Variants in ADGRL3 observed in about 807,000 individuals in gnomAD.
The protein encoded by ADGRL3 is calcium-independent alpha-latrotoxin receptor 3.
In ADGRL3, 62 loss-of-function variants were observed where a neutral mutation model predicts 153.5. That is an observed-to-expected ratio of 0.40 (90% CI 0.33 to 0.50). The LOEUF (loss-of-function observed/expected upper bound fraction) is 0.50, where lower values mean the gene tolerates loss of function less well. ADGRL3 is among the 20% of genes least tolerant of loss of function. The probability of loss-of-function intolerance (pLI) is 0.47; values close to 1 mark genes in which losing one functional copy is unlikely to be tolerated. For missense variants in ADGRL3, 1,641 were observed against 1,859.4 expected (o/e 0.88, Z 2.16); for synonymous variants, 710 against 672.5 (o/e 1.06, Z -0.86).
intron 13 of ADGRL3, among the ~76,000 whole-genome samples, chr4:61,922,423 A>G (rs187889730): frequency 6.6e-6 from 1 of 152,304 alleles, no homozygotes; most frequent in Admixed American, 6.5e-5. Context: ...TATTGTTAAC[A>G]TCTTACATTA....
chr4:61,456,368 GATATATCTATATATATAT>G (rs2097737714), intron 2 of ADGRL3, among the ~76,000 whole-genome samples: 1 of 113,160 alleles, frequency 8.8e-6, no homozygotes, highest in Non-Finnish European at 1.9e-5. Flanking sequence ...TAGAGATATA[GATATATCTATATATATAT>G]ATAGATATAT....
intron 13 of ADGRL3, among the ~76,000 whole-genome samples, chr4:61,915,061 AT>A (rs2098738975): frequency 6.6e-6 from 1 of 152,070 alleles, no homozygotes; most frequent in African/African-American, 2.4e-5. Context: ...TAATAAAGGC[AT>A]TTTGTGAAAA....
intron 1 of ADGRL3, among the ~76,000 whole-genome samples, chr4:61,205,609 C>T (rs1264015461): frequency 1.3e-5 from 2 of 152,152 alleles, no homozygotes; most frequent in African/African-American, 2.4e-5. Flanking sequence ...TTTATGTCTT[C>T]TTATTTCATG....
At chr4:61,812,314 T>C (rs2097638144) in intron 8 of ADGRL3, among the ~76,000 whole-genome samples, 1 of 152,210 alleles carries the variant, frequency 6.6e-6, no homozygotes, top group Non-Finnish European at 1.5e-5. Context: ...GTCTCTGCTG[T>C]TAGCTGGAAA....
intron 19 of ADGRL3, among the ~76,000 whole-genome samples, chr4:61,990,902 A>G (rs1463086618): frequency 6.6e-6 from 1 of 151,384 alleles, no homozygotes; most frequent in East Asian, 1.9e-4. Context: ...CCTAATCTGT[A>G]AAGTGGGAGT....
chr4:61,616,048 T>C (rs2091965734), intron 5 of ADGRL3, among the ~76,000 whole-genome samples: 2 of 152,156 alleles, frequency 1.3e-5, no homozygotes, highest in Admixed American at 6.6e-5. Context: ...GTACAGGTCA[T>C]ATTGAACATT....
chr4:61,999,858 C>A (rs2099134442), intron 21 of ADGRL3, among the ~76,000 whole-genome samples: 1 of 151,948 alleles, frequency 6.6e-6, no homozygotes, highest in African/African-American at 2.4e-5. Context: ...TATAGTGGTG[C>A]AAAATAGACA....
intron 1 of ADGRL3, among the ~76,000 whole-genome samples, chr4:61,371,767 A>C (rs993551778): frequency 4.6e-5 from 7 of 151,958 alleles, no homozygotes; most frequent in African/African-American, 1.7e-4. Flanking sequence ...CCTGAATCTG[A>C]ATGTTGGCCT....
chr4:61,927,364 T>A (rs535177982), intron 13 of ADGRL3, among the ~76,000 whole-genome samples: 9,424 of 150,214 alleles, frequency 0.063, 341 homozygotes, highest in Middle Eastern at 0.14. Flanking sequence ...ATGCTTTTTT[T>A]TAAAAAAAAA....
intron 1 of ADGRL3, among the ~76,000 whole-genome samples, chr4:61,367,062 A>C (rs984447599): frequency 1.3e-5 from 2 of 152,156 alleles, no homozygotes; most frequent in African/African-American, 4.8e-5. Context: ...CTTTTATGTA[A>C]TTTAATTTGT....
chr4:62,037,657 C>A, intron 23 of ADGRL3, 74 bp from the exon 24 acceptor site: 1 of 1,492,638 alleles, frequency 6.7e-7, no homozygotes, highest in African/African-American at 1.4e-5. Context: ...AAATAAAACT[C>A]ACATACATTG....
At chr4:61,321,466 T>A (rs796534821) in intron 1 of ADGRL3, among the ~76,000 whole-genome samples, 8 of 152,142 alleles carry the variant, frequency 5.3e-5, no homozygotes, top group African/African-American at 1.9e-4. Context: ...CATTAACTTA[T>A]TTTTTATAAC....
chr4:61,725,308 C>A (rs79474644), intron 6 of ADGRL3, among the ~76,000 whole-genome samples: 1 of 152,024 alleles, frequency 6.6e-6, no homozygotes, highest in Admixed American at 6.6e-5. Flanking sequence ...AATGAGAATG[C>A]CTGCATTTAA....
intron 25 of ADGRL3, among the ~76,000 whole-genome samples, chr4:62,048,372 C>T (rs947182928): frequency 1.3e-5 from 2 of 152,088 alleles, no homozygotes; most frequent in African/African-American, 2.4e-5. Context: ...AAGCAATTCT[C>T]CTGCCTCAGC....
At chr4:61,457,540 T>C (rs1298108200) in intron 2 of ADGRL3, among the ~76,000 whole-genome samples, 17 of 151,940 alleles carry the variant, frequency 1.1e-4, no homozygotes, top group Non-Finnish European at 1.0e-4. Context: ...AAATGCAAAT[T>C]ACATATTGTT....
rs897409162 is a variant in ADGRL3 at position 62,070,712 on chromosome 4, C to T, written c.4436C>T (p.Ala1479Val). 1.5e-5 allele frequency: 24 copies of T among 1,551,634 alleles called. No homozygotes were observed. The Admixed American group carries it at 4.3e-4, about 28-fold the overall frequency. The change falls in exon 27 of 27, where the codon GCC (alanine) becomes GTC (valine). Residue 1479 changes from alanine (A) to valine (V), a missense_variant. Coordinates refer to ENST00000683033, the MANE Select transcript of ADGRL3 (RefSeq NM_001387552.1). ...TTSTQTEPPP[A>V]KCGDAEDVYY... ...AGCACCCAGACCGAACCCCCACCGG[C>T]CAAATGTGGTGATGCCGAAGATGTT...
chr4:61,417,329 T>C (rs1426805639), intron 2 of ADGRL3, among the ~76,000 whole-genome samples: 3 of 151,780 alleles, frequency 2.0e-5, no homozygotes, highest in African/African-American at 4.8e-5. Flanking sequence ...TCTCTACAAA[T>C]AAAATAATTA....
rs1734348640 is a variant in ADGRL3, at chr4:61,200,585, A to G, written c.-1420A>G. ...CGCTCCGGCAGCTGCTGCCGCCGCC[A>G]CCGCCGCCTGTGACTCGCCCCCTCC... is the stretch of plus-strand genomic sequence containing the variant. On this transcript the variant is annotated 5_prime_UTR_variant, in exon 1 of 27. Coordinates refer to ENST00000683033, the MANE Select transcript of ADGRL3 (RefSeq NM_001387552.1). 6.8e-6 allele frequency among the ~76,000 whole-genome samples: 1 copy of G among 147,160 alleles called. No individual in the cohort carries two copies. The highest frequency in any genetic ancestry group is 1.5e-5 in the Non-Finnish European group (1 of 66,808).
chr4:61,268,595 T>A (rs909584446), intron 1 of ADGRL3, among the ~76,000 whole-genome samples: 20 of 151,620 alleles, frequency 1.3e-4, no homozygotes, highest in Non-Finnish European at 1.5e-5. Flanking sequence ...AACATCTAGT[T>A]GCTAGCATAC....
Sources: allele counts gnomAD v4.1 joint callset (sites outside exome capture counted in the v4.1 genomes callset), GRCh38; gene constraint gnomAD v4.1.1; transcripts MANE v1.5; gene names NCBI Gene and HGNC (gene_info 2026-07-23, HGNC 2026-07-21).